Variants in RBM20 observed in about 807,000 individuals in gnomAD.
The protein encoded by RBM20 is RNA-binding protein 20.
In RBM20, 51 loss-of-function variants were observed where a neutral mutation model predicts 110.1. The ratio of observed to expected loss-of-function variants is 0.46; its 90% CI spans 0.37 to 0.59. The LOEUF (loss-of-function observed/expected upper bound fraction) is 0.59. Ranked by LOEUF, RBM20 falls within the 20% of genes least tolerant of loss-of-function variation. RBM20 has a pLI of 0.00. For synonymous variants in RBM20, 589 were observed against 618.2 expected (o/e 0.95, Z 0.70); for missense variants, 1,512 against 1,574.9 (o/e 0.96, Z 0.68).
In RBM20 at chr10:110,737,177, C is replaced by CAAAAAAAAAAAAAAAAAAA. The variant is rs550138775; in HGVS notation, c.192-43622_192-43604dup. ...GGGCAAGAAGAGTGAAACTCTGCCT[C>CAAAAAAAAAAAAAAAAAAA]AAAAAAAAAAAAAAAAAAAACACCC... On this transcript the variant is annotated intron_variant, in intron 1 of 13. Transcript: ENST00000369519. Among the ~76,000 whole-genome samples the CAAAAAAAAAAAAAAAAAAA allele has an allele frequency of 3.9e-3, 105 of 26,610 alleles. 17 individuals carry two copies. The highest frequency in any genetic ancestry group is 0.012 in the African/African-American group (66 of 5,576). The allele number at this position is 26,610 out of a possible 152,430, so 17.5% of individuals were successfully genotyped here. A position where few individuals can be genotyped will look rare whatever the true frequency, so the allele number is the denominator to read the frequency against.
chr10:110,652,575 G>A (rs1861967076), intron 1 of RBM20, among the ~76,000 whole-genome samples: 1 of 152,180 alleles, frequency 6.6e-6, no homozygotes, highest in Non-Finnish European at 1.5e-5. Context: ...AGACTGAGCT[G>A]CCCTTTAGCA....
At chr10:110,820,324 T>G in intron 10 of RBM20, 148 bp downstream of exon 10, 1 of 571,528 alleles carries the variant, frequency 1.7e-6, no homozygotes, top group Non-Finnish European at 3.1e-6. Context: ...AGCGCTACTT[T>G]GGAGGAGTGG....
rs372370653 is a variant in RBM20, at chr10:110,821,608, G to A, written c.2989G>A (p.Val997Met). Residue 997 changes from valine to methionine, a missense_variant, in exon 11 of 14, where the codon GTG becomes ATG. Transcript: ENST00000369519. ...CACAAGCTGTCCCAGTGACATGGAC[G>A]TGGAAATGCCTGGCCTAAATCTGGA... ...ASTSCPSDMD[V>M]EMPGLNLDAE... 5.4e-5 allele frequency: 83 copies of A among 1,551,218 alleles called. No homozygotes were observed. Among genetic ancestry groups the A allele is most frequent in the East Asian group, 5.1e-4 (21 of 40,924 alleles).
At chr10:110,689,840 A>C (rs572383261) in intron 1 of RBM20, among the ~76,000 whole-genome samples, 1 of 152,224 alleles carries the variant, frequency 6.6e-6, no homozygotes, top group Non-Finnish European at 1.5e-5. Flanking sequence ...CTGTGACAAA[A>C]TCAGAGAGGT....
At chr10:110,684,779 C>T (rs763057768) in intron 1 of RBM20, among the ~76,000 whole-genome samples, 1 of 152,098 alleles carries the variant, frequency 6.6e-6, no homozygotes, top group African/African-American at 2.4e-5. Context: ...AAGAGAAAAT[C>T]GTAGACTTTG....
chr10:110,813,835 CAAAAAAAA>C (rs57225247), intron 9 of RBM20, among the ~76,000 whole-genome samples: 6 of 125,078 alleles, frequency 4.8e-5, no homozygotes, highest in African/African-American at 6.1e-5. Context: ...AACTCTATTT[CAAAAAAAA>C]AAAAAAAAAA....
intron 3 of RBM20, among the ~76,000 whole-genome samples, chr10:110,784,040 A>G (rs1844387957): frequency 6.6e-6 from 1 of 152,052 alleles, no homozygotes; most frequent in Non-Finnish European, 1.5e-5. Flanking sequence ...TTAGCATAAC[A>G]TTTTCAAGGT....
intron 13 of RBM20, among the ~76,000 whole-genome samples, chr10:110,832,486 A>T (rs545540754): frequency 4.5e-4 from 69 of 152,324 alleles, no homozygotes; most frequent in African/African-American, 1.5e-3. Flanking sequence ...GATTGCAGGA[A>T]TATGTAATTT....
chr10:110,664,639 C>A (rs1862151307), intron 1 of RBM20, among the ~76,000 whole-genome samples: 1 of 151,954 alleles, frequency 6.6e-6, no homozygotes, highest in Non-Finnish European at 1.5e-5. Flanking sequence ...CCCAGCTACT[C>A]TGGAGATTGA....
chr10:110,735,062 C>T (rs11195293), intron 1 of RBM20, among the ~76,000 whole-genome samples: 22,183 of 152,022 alleles, frequency 0.15, 2,163 homozygotes, highest in East Asian at 0.27. Context: ...GGTCCACTGT[C>T]GAGGTATCGC....
In RBM20 at chr10:110,781,212, G is replaced by A. The variant is rs745754566; in HGVS notation, c.603G>A (p.Gly201=). 5 of 1,551,644 alleles carry A rather than the reference G, an allele frequency of 3.2e-6. No homozygotes were observed. Among genetic ancestry groups the A allele is most frequent in the Non-Finnish European group, 4.4e-6 (5 of 1,147,000 alleles). ...PSAMVMHPFT[G]VMPQTPGQPA... ...CCATGGTGATGCATCCTTTCACTGG[G>A]GTAATGCCTCAGACCCCTGGCCAGC... The change falls in exon 2 of 14, where the codon GGG becomes GGA. Residue 201 remains glycine (G), a synonymous_variant. Coordinates refer to ENST00000369519, the MANE Select transcript of RBM20 (RefSeq NM_001134363.3).
At chr10:110,713,839 C>T (rs770648722) in intron 1 of RBM20, among the ~76,000 whole-genome samples, 9 of 152,152 alleles carry the variant, frequency 5.9e-5, no homozygotes, top group South Asian at 2.1e-4. Flanking sequence ...ACCACAATCC[C>T]GGGCTCCTTA....
chr10:110,821,844 G>T lies in RBM20; in HGVS notation c.3225G>T (p.Gly1075=), dbSNP rs1279630937. 1 of 1,551,578 alleles carries T rather than the reference G, an allele frequency of 6.4e-7. No homozygotes were observed. Among genetic ancestry groups the T allele is most frequent in the Admixed American group, 2.0e-5 (1 of 50,984 alleles). ...DCKTRGTPED[G]ACEGSPLEEK... is the part of the protein sequence containing the mutation. ...AGACCAGGGGGACCCCCGAAGATGG[G>T]GCTTGTGAAGGCAGCCCCCTGGAGG... Residue 1075 remains glycine, a synonymous_variant, in exon 11 of 14, where the codon GGG becomes GGT. Transcript: ENST00000369519.
intron 1 of RBM20, among the ~76,000 whole-genome samples, chr10:110,658,785 T>A (rs1862061430): frequency 6.6e-6 from 1 of 151,632 alleles, no homozygotes; most frequent in Non-Finnish European, 1.5e-5. Context: ...CTCCAGAACT[T>A]CCTGTCCTCT....
chr10:110,771,448 A>G (rs1844187964), intron 1 of RBM20, among the ~76,000 whole-genome samples: 1 of 152,100 alleles, frequency 6.6e-6, no homozygotes, highest in Non-Finnish European at 1.5e-5. Context: ...AGAAGTGTTT[A>G]TTGGTTCCAC....
At chr10:110,696,473 G>A (rs1263553267) in intron 1 of RBM20, among the ~76,000 whole-genome samples, 1 of 152,212 alleles carries the variant, frequency 6.6e-6, no homozygotes, top group Non-Finnish European at 1.5e-5. Context: ...AATGCCCACT[G>A]TGTGCAATGC....
At chr10:110,803,615 T>C (rs946813587) in intron 7 of RBM20, among the ~76,000 whole-genome samples, 1 of 152,000 alleles carries the variant, frequency 6.6e-6, no homozygotes, top group African/African-American at 2.4e-5. Flanking sequence ...TTAGCAGGGC[T>C]TTTCTGCTCC....
In RBM20 at chr10:110,823,477, C is replaced by G; in HGVS notation, c.3317-3C>G. The G allele has an allele frequency of 8.1e-7, 1 of 1,240,738 alleles. No individual in the cohort carries two copies. The highest frequency in any genetic ancestry group is 1.1e-6 in the Non-Finnish European group (1 of 944,364). The allele number at this position is 1,240,738 out of a possible 1,614,324, so 76.9% of individuals were successfully genotyped here. ...TTTTTTTGCCTTGGTTCATGTTTTG[C>G]AGAAAACTCCAGGTACGTGGAAATG... On this transcript the variant is annotated splice_region_variant and splice_polypyrimidine_tract_variant and intron_variant, in intron 11 of 13. Coordinates refer to ENST00000369519, the MANE Select transcript of RBM20 (RefSeq NM_001134363.3).
At chr10:110,810,875 G>A (rs1209015414) in intron 8 of RBM20, among the ~76,000 whole-genome samples, 3 of 151,696 alleles carry the variant, frequency 2.0e-5, no homozygotes, top group East Asian at 1.9e-4. Context: ...GTGTGGCTTC[G>A]TTTAGAACCA....
Sources: allele counts gnomAD v4.1 joint callset (sites outside exome capture counted in the v4.1 genomes callset), GRCh38; gene constraint gnomAD v4.1.1; transcripts MANE v1.5; gene names NCBI Gene and HGNC (gene_info 2026-07-23, HGNC 2026-07-21).